STAM: variants seen among roughly 807,000 people sequenced by gnomAD.
STAM encodes the protein signal transducing adapter molecule 1.
STAM carries 16 observed loss-of-function variants against 63.4 expected under a neutral mutation model. The observed-to-expected ratio is 0.25, with a 90% CI of 0.17 to 0.38. The LOEUF (loss-of-function observed/expected upper bound fraction) is 0.38, where lower values mean the gene tolerates loss of function less well. Among genes scored for constraint, STAM ranks in the 10% least tolerant of loss-of-function variants. STAM has a pLI of 1.00. For missense variants in STAM, 636 were observed against 657.1 expected (o/e 0.97, Z 0.35); for synonymous variants, 238 against 223.9 (o/e 1.06, Z -0.56).
intron 10 of STAM, 62 bp from the exon 11 acceptor site, chr10:17,704,908 T>G: frequency 7.5e-7 from 1 of 1,328,380 alleles, no homozygotes; most frequent in East Asian, 2.3e-5. Context: ...CAAATATCTA[T>G]CAAAGGTTCA....
intron 13 of STAM, among the ~76,000 whole-genome samples, chr10:17,709,962 T>G (rs1836482139): frequency 8.4e-6 from 1 of 119,454 alleles, no homozygotes; most frequent in South Asian, 2.9e-4. Context: ...CTTGCACTCT[T>G]GCAGGATTTT....
chr10:17,710,397 A>AC (rs1564575058), intron 13 of STAM, among the ~76,000 whole-genome samples: 2 of 152,218 alleles, frequency 1.3e-5, no homozygotes, highest in African/African-American at 4.8e-5. Context: ...CATAGGCCCA[A>AC]CCCTACCCAT....
At chr10:17,678,817 C>G (rs1211202929) in intron 2 of STAM, among the ~76,000 whole-genome samples, 1 of 151,974 alleles carries the variant, frequency 6.6e-6, no homozygotes, top group Non-Finnish European at 1.5e-5. Context: ...TTACTTTTTT[C>G]TATGTTCTAT....
At chr10:17,705,107 T>G in intron 11 of STAM, 83 bp downstream of exon 11, 1 of 1,176,630 alleles carries the variant, frequency 8.5e-7, no homozygotes, top group Non-Finnish European at 1.2e-6. Context: ...ATAACTGCCT[T>G]TTAAAAAAAA....
chr10:17,695,116 A>G lies in STAM; in HGVS notation c.603A>G (p.Thr201=). The change falls in exon 7 of 14, where the codon ACA becomes ACG. Residue 201 remains threonine, a synonymous_variant. Transcript: ENST00000377524. Reference sequence around the variant, plus strand: ...CCCTTTCCACTTTGTATCCAAGCACATCCAGTCTCTTAACTAACCACCAAC... The same window carrying G: ...CCCTTTCCACTTTGTATCCAAGCACGTCCAGTCTCTTAACTAACCACCAAC... ...STTLSTLYPS[T]SSLLTNHQHE... The G allele has an allele frequency of 6.2e-7, 1 of 1,614,118 alleles. No individual in the cohort carries two copies. Among genetic ancestry groups the G allele is most frequent in the Non-Finnish European group, 8.5e-7 (1 of 1,179,976 alleles).
In STAM at chr10:17,695,220, T is replaced by C. The variant is rs782205134; in HGVS notation, c.707T>C (p.Ile236Thr). 1.2e-6 allele frequency: 2 copies of C among 1,613,814 alleles called. No homozygotes were observed. Among genetic ancestry groups the C allele is most frequent in the Non-Finnish European group, 8.5e-7 (1 of 1,179,868 alleles). Residue 236 changes from isoleucine (I) to threonine (T), a missense_variant, in exon 7 of 14, where the codon ATT becomes ACT. By Grantham distance (89) the Ile-to-Thr change is moderately conservative (BLOSUM62 -1). Transcript: ENST00000377524. ...GAACTTACTTTTAAAGCTGGAGAAA[T>C]TATTACAGTTCTTGATGACAGGTAA... is the stretch of plus-strand genomic sequence containing the variant. ...DNELTFKAGE[I>T]ITVLDDSDPN...
chr10:17,659,362 A>G (rs1337446626), intron 1 of STAM, among the ~76,000 whole-genome samples: 1 of 151,924 alleles, frequency 6.6e-6, no homozygotes, highest in Non-Finnish European at 1.5e-5. Flanking sequence ...TGCTGTTATT[A>G]TTTAGAATAA....
intron 13 of STAM, among the ~76,000 whole-genome samples, chr10:17,713,244 G>A (rs1247850258): frequency 6.6e-6 from 1 of 152,130 alleles, no homozygotes; most frequent in Non-Finnish European, 1.5e-5. Flanking sequence ...CACAGTAGAT[G>A]GACTGCCTTT....
intron 1 of STAM, among the ~76,000 whole-genome samples, chr10:17,657,703 A>G (rs1355542708): frequency 6.6e-6 from 1 of 152,176 alleles, no homozygotes. Flanking sequence ...ATGTCTTTCA[A>G]GGCATTGGTC....
At chr10:17,663,429 A>G (rs571684359) in intron 2 of STAM, among the ~76,000 whole-genome samples, 6 of 152,194 alleles carry the variant, frequency 3.9e-5, no homozygotes, top group Admixed American at 3.3e-4. Context: ...GGGGATTTTA[A>G]TTGACATTAT....
At chr10:17,665,740 A>T (rs566475254) in intron 2 of STAM, among the ~76,000 whole-genome samples, 85 of 151,918 alleles carry the variant, frequency 5.6e-4, no homozygotes, top group African/African-American at 2.0e-3. Flanking sequence ...AGCCTACTAG[A>T]TGTAATCCCT....
intron 6 of STAM, 36 bp from the exon 7 acceptor site, chr10:17,695,013 A>G (rs781979636): frequency 6.3e-7 from 1 of 1,592,558 alleles, no homozygotes; most frequent in Admixed American, 1.7e-5. Flanking sequence ...TGGATATAAT[A>G]ACATTTTGGG....
chr10:17,663,000 A>C (rs2131586881), intron 2 of STAM, among the ~76,000 whole-genome samples: 1 of 152,102 alleles, frequency 6.6e-6, no homozygotes, highest in East Asian at 1.9e-4. Context: ...TTTTATCTTT[A>C]CTTCGGTGTT....
chr10:17,657,849 C>CTCTCTTTTT (rs1554822341), intron 1 of STAM, among the ~76,000 whole-genome samples: 3 of 144,502 alleles, frequency 2.1e-5, no homozygotes, highest in African/African-American at 5.1e-5. Context: ...TTTTCTCTCT[C>CTCTCTTTTT]TTTTTTTTTT....
Position 17,716,709 on chromosome 10 carries a change from A to G in STAM, c.*1929A>G, listed in dbSNP as rs1836830491. Among the ~76,000 whole-genome samples the G allele has an allele frequency of 6.6e-6, 1 of 152,172 alleles. No individual in the cohort carries two copies. The highest frequency in any genetic ancestry group is 1.5e-5 in the Non-Finnish European group (1 of 68,024). ...TAGTCTCTACTATGATTTTTGCCCTATAAAAGTCAAGTAACAGTGAATAGA... is the reference window on the plus strand; with the variant it reads ...TAGTCTCTACTATGATTTTTGCCCTGTAAAAGTCAAGTAACAGTGAATAGA... On this transcript the variant is annotated 3_prime_UTR_variant, in exon 14 of 14. Coordinates refer to ENST00000377524, the MANE Select transcript of STAM (RefSeq NM_003473.4).
Position 17,644,271 on chromosome 10 carries a change from C to A in STAM, c.-69C>A, listed in dbSNP as rs1362772021. 4 of 1,569,980 alleles carry A rather than the reference C, an allele frequency of 2.5e-6. No individual in the cohort carries two copies. In the Admixed American group the frequency reaches 5.0e-5, roughly 20 times the overall value. On this transcript the variant is annotated 5_prime_UTR_variant, in exon 1 of 14. Transcript: ENST00000377524. ...TCTTTTTGCCTGAGGAGTCTTCCAT[C>A]CTACGTCGAGCTCTGACTCCCGTGC...
intron 1 of STAM, among the ~76,000 whole-genome samples, chr10:17,655,491 G>T (rs546265266): frequency 6.6e-6 from 1 of 152,180 alleles, no homozygotes; most frequent in South Asian, 2.1e-4. Flanking sequence ...GTTGTCCGGT[G>T]GTAGTGACTA....
intron 4 of STAM, 133 bp downstream of exon 4, chr10:17,685,060 A>T: frequency 1.5e-6 from 1 of 655,744 alleles, no homozygotes; most frequent in Non-Finnish European, 2.4e-6. Context: ...TCCAGTATAT[A>T]AATAAATATT....
At chr10:17,669,694 T>G (rs2131600212) in intron 2 of STAM, among the ~76,000 whole-genome samples, 1 of 151,150 alleles carries the variant, frequency 6.6e-6, no homozygotes, top group Non-Finnish European at 1.5e-5. Context: ...TTCTTTTTCT[T>G]TCTTTCTTTT....
Sources: allele counts gnomAD v4.1 joint callset (sites outside exome capture counted in the v4.1 genomes callset), GRCh38; gene constraint gnomAD v4.1.1; transcripts MANE v1.5; gene names NCBI Gene and HGNC (gene_info 2026-07-23, HGNC 2026-07-21).